Variants in SRPK2 observed in about 807,000 individuals in gnomAD.
The protein encoded by SRPK2 is SRSF protein kinase 2.
A neutral mutation model predicts 90.8 loss-of-function variants in SRPK2; 21 were observed. The observed-to-expected ratio is 0.23, with a 90% CI of 0.16 to 0.33. SRPK2 has a LOEUF of 0.33. Among genes scored for constraint, SRPK2 ranks in the 10% least tolerant of loss-of-function variants. SRPK2 has a pLI of 1.00. For synonymous variants in SRPK2, 288 were observed against 311.1 expected (o/e 0.93, Z 0.78); for missense variants, 620 against 869.0 (o/e 0.71, Z 3.60).
rs182896894 is a variant in SRPK2 at position 105,232,564 on chromosome 7, T to C, written c.72-28779A>G. ...ATTTGTACTTAGGATATTATCATTA[T>C]TCAAACACTTGTAATCTAAGTCTCT... On this transcript the variant is annotated intron_variant, in intron 2 of 15. Transcript: ENST00000393651. Among the ~76,000 whole-genome samples, 70 of 151,772 alleles carry C rather than the reference T, an allele frequency of 4.6e-4. 2 individuals carry two copies. The East Asian group carries it at 0.013, about 27-fold the overall frequency.
chr7:105,146,037 A>G (rs1285457488), intron 8 of SRPK2, among the ~76,000 whole-genome samples: 1 of 152,218 alleles, frequency 6.6e-6, no homozygotes, highest in African/African-American at 2.4e-5. Context: ...AGGTCACTTG[A>G]TCTTCTTCCC....
upstream of SRPK2, chr7:105,389,403 A>G: frequency 8.0e-7 from 1 of 1,243,440 alleles, no homozygotes; most frequent in Non-Finnish European, 1.0e-6. Flanking sequence ...GCAGGCGTGG[A>G]AAGGGCACAC....
chr7:105,273,381 T>A (rs536549418), intron 2 of SRPK2, among the ~76,000 whole-genome samples: 8 of 151,888 alleles, frequency 5.3e-5, no homozygotes, highest in Admixed American at 4.6e-4. Flanking sequence ...AATACCACCG[T>A]TCAGTCGTCT....
At chr7:105,265,651 T>A (rs1307360360) in intron 2 of SRPK2, among the ~76,000 whole-genome samples, 1 of 152,134 alleles carries the variant, frequency 6.6e-6, no homozygotes, top group East Asian at 1.9e-4. Context: ...TTCACATTTA[T>A]TACTGTAAAC....
At chr7:105,390,493 A>G (rs973435316), upstream of SRPK2, among the ~76,000 whole-genome samples, 7 of 151,964 alleles carry the variant, frequency 4.6e-5, no homozygotes, top group African/African-American at 1.7e-4. Flanking sequence ...CAGTGGCGCA[A>G]TCTCAGCTCA....
chr7:105,197,541 T>G (rs925063021), intron 3 of SRPK2, among the ~76,000 whole-genome samples: 2 of 152,096 alleles, frequency 1.3e-5, no homozygotes, highest in Admixed American at 6.5e-5. Flanking sequence ...AACCCAACAC[T>G]AGAGAAAATG....
chr7:105,171,898 T>G (rs1585044259), intron 3 of SRPK2, among the ~76,000 whole-genome samples: 1 of 152,238 alleles, frequency 6.6e-6, no homozygotes, highest in South Asian at 2.1e-4. Flanking sequence ...TTTATTTATT[T>G]ATTTATTTAT....
At chr7:105,195,178 G>C (rs937974508) in intron 3 of SRPK2, among the ~76,000 whole-genome samples, 2 of 152,144 alleles carry the variant, frequency 1.3e-5, no homozygotes, top group East Asian at 1.9e-4. Context: ...GCCTCCCGAG[G>C]AGCTGGGACT....
intron 3 of SRPK2, among the ~76,000 whole-genome samples, chr7:105,181,898 AGAAAAC>A (rs1563047871): frequency 4.1e-5 from 3 of 73,734 alleles, no homozygotes; most frequent in Admixed American, 1.3e-4. Flanking sequence ...AAAAAAAAAC[AGAAAAC>A]ACACACACAA....
chr7:105,374,728 C>T (rs1563304621), intron 2 of SRPK2, among the ~76,000 whole-genome samples: 1 of 152,034 alleles, frequency 6.6e-6, no homozygotes, highest in Non-Finnish European at 1.5e-5. Context: ...GCCTCGCCTA[C>T]GGAGGAGCTG....
chr7:105,175,369 C>T (rs1253715492), intron 3 of SRPK2, among the ~76,000 whole-genome samples: 1 of 120,820 alleles, frequency 8.3e-6, no homozygotes, highest in Non-Finnish European at 2.1e-5. Flanking sequence ...CTATGAAATG[C>T]TGTTAAAGCA....
intron 2 of SRPK2, among the ~76,000 whole-genome samples, chr7:105,278,027 T>C (rs1585496046): frequency 6.6e-6 from 1 of 152,242 alleles, no homozygotes; most frequent in East Asian, 1.9e-4. Flanking sequence ...AGAATAATTA[T>C]TTGAGGCCAG....
chr7:105,377,139 G>A (rs143527620), intron 2 of SRPK2, among the ~76,000 whole-genome samples: 5 of 152,122 alleles, frequency 3.3e-5, no homozygotes, highest in East Asian at 1.9e-4. Flanking sequence ...TGCTGACCAC[G>A]CCCTTCTTGA....
At chr7:105,129,202 G>A (rs1801636043) in intron 13 of SRPK2, among the ~76,000 whole-genome samples, 1 of 152,148 alleles carries the variant, frequency 6.6e-6, no homozygotes, top group South Asian at 2.1e-4. Flanking sequence ...CCAAAGTGCT[G>A]GGATTACAGG....
chr7:105,258,656 T>C (rs1472773867), intron 2 of SRPK2, among the ~76,000 whole-genome samples: 1 of 152,018 alleles, frequency 6.6e-6, no homozygotes, highest in Non-Finnish European at 1.5e-5. Context: ...GCAAACTGAA[T>C]CCAGCAGCAC....
At chr7:105,140,991 A>G (rs1204032930) in intron 11 of SRPK2, among the ~76,000 whole-genome samples, 1 of 152,162 alleles carries the variant, frequency 6.6e-6, no homozygotes, top group Non-Finnish European at 1.5e-5. Context: ...CAAGTAAGAG[A>G]AAAATTGAAC....
chr7:105,136,437 G>A (rs1035244971), intron 11 of SRPK2, among the ~76,000 whole-genome samples: 2 of 152,144 alleles, frequency 1.3e-5, no homozygotes, highest in Admixed American at 1.3e-4. Context: ...GTGACACAAA[G>A]GACAAACTGG....
At chr7:105,172,798 T>C (rs1791323518) in intron 3 of SRPK2, among the ~76,000 whole-genome samples, 1 of 152,188 alleles carries the variant, frequency 6.6e-6, no homozygotes, top group African/African-American at 2.4e-5. Context: ...ATGTCTTAAT[T>C]AAAATCTATA....
chr7:105,331,337 A>AAAAAAAAAAAAAAAAAC (rs1554512429), intron 2 of SRPK2, among the ~76,000 whole-genome samples: 1 of 141,830 alleles, frequency 7.1e-6, no homozygotes, highest in Non-Finnish European at 1.5e-5. Context: ...AAAAAAAAAA[A>AAAAAAAAAAAAAAAAAC]CAAATAGTTA....
Sources: gnomAD v4.1 joint callset for allele counts (sites outside exome capture counted in the v4.1 genomes callset) on GRCh38, gnomAD v4.1.1 for gene constraint, MANE v1.5 for transcripts, NCBI Gene and HGNC (gene_info 2026-07-23, HGNC 2026-07-21) for gene names.